Variants in GPC5 observed in about 807,000 individuals in gnomAD.
The protein encoded by GPC5 is glypican-5.
In GPC5, 47 loss-of-function variants were observed where a neutral mutation model predicts 53.9. The ratio of observed to expected loss-of-function variants is 0.87; its 90% CI spans 0.69 to 1.11. The LOEUF is 1.11. Among genes scored for constraint, GPC5 ranks in the 50% most tolerant of loss-of-function variants. GPC5 has a pLI of 0.00. For synonymous variants in GPC5, 286 were observed against 263.3 expected, an observed-to-expected ratio of 1.09 and a Z score of -0.84; for missense variants, 748 against 713.1, an observed-to-expected ratio of 1.05 and a Z score of -0.56.
chr13:91,901,774 C>A (rs933259250), intron 5 of GPC5, among the ~76,000 whole-genome samples: 2 of 151,852 alleles, frequency 1.3e-5, no homozygotes, highest in Non-Finnish European at 2.9e-5. Context: ...TTACCAGAGC[C>A]AAAGATAAAA....
chr13:91,916,409 T>G (rs2039659735), intron 6 of GPC5, among the ~76,000 whole-genome samples: 1 of 152,206 alleles, frequency 6.6e-6, no homozygotes, highest in Admixed American at 6.5e-5. Flanking sequence ...AATTGATGAC[T>G]ATATAAATAA....
chr13:92,084,304 T>G (rs2041319707), intron 6 of GPC5, among the ~76,000 whole-genome samples: 1 of 152,200 alleles, frequency 6.6e-6, no homozygotes, highest in South Asian at 2.1e-4. Context: ...ACATATCAGT[T>G]TTTTTAAATC....
intron 6 of GPC5, among the ~76,000 whole-genome samples, chr13:92,138,617 G>A (rs1390583769): frequency 1.3e-5 from 2 of 152,056 alleles, no homozygotes; most frequent in African/African-American, 2.4e-5. Flanking sequence ...GTGTATGTTC[G>A]CTTAAGGGTG....
At chr13:92,472,893 A>G (rs1878965700) in intron 7 of GPC5, among the ~76,000 whole-genome samples, 1 of 152,112 alleles carries the variant, frequency 6.6e-6, no homozygotes, top group Admixed American at 6.6e-5. Context: ...AACTAATTGC[A>G]TGATTCTTTG....
rs560111645 is a variant in GPC5 at position 92,325,456 on chromosome 13, C to T, written c.1561+180467C>T. Among the ~76,000 whole-genome samples, 11 of 152,112 alleles carry T rather than the reference C, an allele frequency of 7.2e-5. No homozygotes were observed. In the East Asian group the frequency reaches 1.9e-3, roughly 27 times the overall value. ...TGCTGTGTTATTCCTGTCATTATAT[C>T]CTAAATGAATATACAGTACCAGAGA... is the stretch of plus-strand genomic sequence containing the variant. On this transcript the variant is annotated intron_variant, in intron 7 of 7. Coordinates refer to ENST00000377067, the MANE Select transcript of GPC5 (RefSeq NM_004466.6).
chr13:92,535,607 G>T (rs1451959848), intron 7 of GPC5, among the ~76,000 whole-genome samples: 3 of 151,686 alleles, frequency 2.0e-5, no homozygotes, highest in African/African-American at 7.3e-5. Flanking sequence ...TCTTGAGGAA[G>T]GAACTCAAAC....
In GPC5 at chr13:92,471,421, G is replaced by A. The variant is rs972503829; in HGVS notation, c.1561+326432G>A. Among the ~76,000 whole-genome samples the A allele has an allele frequency of 5.9e-5, 9 of 152,104 alleles. 1 individual carries two copies. The South Asian group carries it at 1.9e-3, about 32-fold the overall frequency. ...TACTTTCTGCACACCAGGAAAGAAA[G>A]GGAAGCTCCAAAGAAACACGCTGAG... On this transcript the variant is annotated intron_variant, in intron 7 of 7. Coordinates refer to ENST00000377067, the MANE Select transcript of GPC5 (RefSeq NM_004466.6).
In GPC5 at chr13:91,976,290, A is replaced by T. The variant is rs139135554; in HGVS notation, c.1401+68233A>T. Among the ~76,000 whole-genome samples the T allele has an allele frequency of 6.0e-3, 919 of 152,274 alleles. 9 individuals carry two copies. Among genetic ancestry groups the T allele is most frequent in the African/African-American group, 0.021 (869 of 41,564 alleles). ...GTGTAATAATAATAAAAGAAAATTTAAAAAAATAGTGAAAACATCATGGCA... is the reference window on the plus strand; with the variant it reads ...GTGTAATAATAATAAAAGAAAATTTTAAAAAATAGTGAAAACATCATGGCA... On this transcript the variant is annotated intron_variant, in intron 6 of 7. Transcript: ENST00000377067.
chr13:91,654,287 C>T (rs2034793433), intron 2 of GPC5, among the ~76,000 whole-genome samples: 1 of 152,126 alleles, frequency 6.6e-6, no homozygotes, highest in Non-Finnish European at 1.5e-5. Context: ...AGAACACAGG[C>T]ATGTGCTTAA....
intron 2 of GPC5, among the ~76,000 whole-genome samples, chr13:91,506,376 T>G (rs1268157510): frequency 6.6e-6 from 1 of 152,148 alleles, no homozygotes; most frequent in Non-Finnish European, 1.5e-5. Context: ...AATCCATTAA[T>G]CTTGTTCCCT....
At chr13:92,512,634 C>A (rs1880615936) in intron 7 of GPC5, among the ~76,000 whole-genome samples, 1 of 152,056 alleles carries the variant, frequency 6.6e-6, no homozygotes, top group Admixed American at 6.5e-5. Context: ...ATGCCAATAT[C>A]CAGTTAGCTC....
At position 92,613,443 on chromosome 13, in the gene GPC5, T is replaced by TG. The variant is rs1386995241; in HGVS notation, c.1562-252839_1562-252838insG. ...TATGATATATATTTATATATAAATA[T>TG]ATATATTTATATATAAATATGTATT... On this transcript the variant is annotated intron_variant, in intron 7 of 7. Transcript: ENST00000377067. Among the ~76,000 whole-genome samples the TG allele has an allele frequency of 1.8e-3, 166 of 92,612 alleles. 2 individuals are homozygous for TG. In the East Asian group the frequency reaches 0.019, roughly 11 times the overall value. The allele number at this position is 92,612 out of a possible 152,430, so 60.8% of individuals were successfully genotyped here.
At chr13:91,699,885 G>A (rs1291170663) in intron 3 of GPC5, among the ~76,000 whole-genome samples, 4 of 152,106 alleles carry the variant, frequency 2.6e-5, no homozygotes, top group African/African-American at 9.7e-5. Context: ...GCCATATTAA[G>A]TGTGTAGTAA....
At chr13:92,526,202 A>G (rs1881275387) in intron 7 of GPC5, among the ~76,000 whole-genome samples, 1 of 152,186 alleles carries the variant, frequency 6.6e-6, no homozygotes, top group Admixed American at 6.6e-5. Flanking sequence ...CATATAGAAC[A>G]ATAAACATGC....
intron 7 of GPC5, among the ~76,000 whole-genome samples, chr13:92,517,307 A>C (rs997235744): frequency 6.6e-6 from 1 of 152,206 alleles, no homozygotes; most frequent in Non-Finnish European, 1.5e-5. Flanking sequence ...GCAGACTTAA[A>C]TGTCCCTGTC....
chr13:92,735,728 G>A (rs529679588), intron 7 of GPC5, among the ~76,000 whole-genome samples: 1 of 152,098 alleles, frequency 6.6e-6, no homozygotes, highest in South Asian at 2.1e-4. Context: ...GTCAACACAA[G>A]CAAATTACAG....
chr13:91,416,051 A>T (rs1408293737), intron 1 of GPC5, among the ~76,000 whole-genome samples: 1 of 152,186 alleles, frequency 6.6e-6, no homozygotes, highest in African/African-American at 2.4e-5. Flanking sequence ...TGATGAATTT[A>T]TTTGATTTAT....
chr13:92,572,430 T>G (rs1181491467), intron 7 of GPC5, among the ~76,000 whole-genome samples: 2 of 152,142 alleles, frequency 1.3e-5, no homozygotes, highest in Non-Finnish European at 2.9e-5. Flanking sequence ...CATTCTTTGT[T>G]GTGTTCTTTG....
chr13:92,422,488 TCACACACACACACACA>T (rs6145177), intron 7 of GPC5, among the ~76,000 whole-genome samples: 41,559 of 133,288 alleles, frequency 0.31, 6,298 homozygotes, highest in Non-Finnish European at 0.36. Flanking sequence ...CATCACCATC[TCACACACACACACACA>T]CACACACACA....
Sources: allele counts gnomAD v4.1 joint callset (sites outside exome capture counted in the v4.1 genomes callset), GRCh38; gene constraint gnomAD v4.1.1; transcripts MANE v1.5; gene names NCBI Gene and HGNC (gene_info 2026-07-23, HGNC 2026-07-21).